CDCA7L: variants seen among roughly 807,000 people sequenced by gnomAD.
CDCA7L encodes the protein cell division cycle associated 7 like.
In CDCA7L, 44 loss-of-function variants were observed where a neutral mutation model predicts 57.4. The observed-to-expected ratio is 0.77, with a 90% CI of 0.60 to 0.98. CDCA7L has a LOEUF of 0.98. Among genes scored for constraint, CDCA7L ranks in the 50% least tolerant of loss-of-function variants. The pLI is 0.00. For missense variants in CDCA7L, 644 were observed against 580.6 expected (o/e 1.11, Z -1.12); for synonymous variants, 236 against 202.8 (o/e 1.16, Z -1.39).
At position 21,902,228 on chromosome 7, in the gene CDCA7L, C is replaced by A; in HGVS notation, c.*94G>T. ...TCTACAAAGAATTTCTGTATAAAAA[C>A]ACAACTGTAAAAAAATCTTTCTTAG... On this transcript the variant is annotated 3_prime_UTR_variant, in exon 10 of 10. Transcript: ENST00000406877. 1.8e-6 allele frequency: 2 copies of A among 1,100,776 alleles called. No homozygotes were observed. The highest frequency in any genetic ancestry group is 1.3e-5 in the South Asian group (1 of 78,074). 68.2% of individuals were successfully genotyped at this position (1,100,776 alleles called of 1,614,324 possible). A position where few individuals can be genotyped will look rare whatever the true frequency, so the allele number is the denominator to read the frequency against.
In CDCA7L at chr7:21,902,119, C is replaced by T. The variant is rs1482022974; in HGVS notation, c.*203G>A. The T allele has an allele frequency of 2.8e-5, 17 of 618,098 alleles. No homozygotes were observed. Among genetic ancestry groups the T allele is most frequent in the Non-Finnish European group, 4.6e-5 (16 of 345,882 alleles). The allele number at this position is 618,098 out of a possible 1,614,324, so 38.3% of individuals were successfully genotyped here. A position where few individuals can be genotyped will look rare whatever the true frequency, so the allele number is the denominator to read the frequency against. On this transcript the variant is annotated 3_prime_UTR_variant, in exon 10 of 10. Transcript: ENST00000406877. Reference sequence around the variant, plus strand: ...CAGCATACAGACAGGTCTGTGCATACATCTATATAGATTCCTCTGCTCTGC... The same window carrying T: ...CAGCATACAGACAGGTCTGTGCATATATCTATATAGATTCCTCTGCTCTGC...
chr7:21,904,725 T>G (rs1477961776), intron 7 of CDCA7L, among the ~76,000 whole-genome samples: 3 of 152,100 alleles, frequency 2.0e-5, no homozygotes, highest in Non-Finnish European at 4.4e-5. Flanking sequence ...ACAAAACCAG[T>G]CCCTGGTGCC....
In CDCA7L at chr7:21,929,631, C is replaced by CAA. The variant is rs57283961; in HGVS notation, c.25-12739_25-12738dup. ...GGAATATTATCCAGCAAATGGAAAG[C>CAA]AAAAAAAAAAAAAAAAAAAAAAAAA... On this transcript the variant is annotated intron_variant, in intron 1 of 9. Coordinates refer to ENST00000406877, the MANE Select transcript of CDCA7L (RefSeq NM_018719.5). Among the ~76,000 whole-genome samples the CAA allele has an allele frequency of 8.3e-3, 295 of 35,490 alleles. 9 individuals carry two copies. Among genetic ancestry groups the CAA allele is most frequent in the African/African-American group, 0.031 (202 of 6,544 alleles). The allele number at this position is 35,490 out of a possible 152,430, so 23.3% of individuals were successfully genotyped here. A position where few individuals can be genotyped will look rare whatever the true frequency, so the allele number is the denominator to read the frequency against.
At chr7:21,902,517 G>T in intron 9 of CDCA7L, 165 bp from the exon 10 acceptor site, 1 of 669,350 alleles carries the variant, frequency 1.5e-6, no homozygotes. Flanking sequence ...ACCCTCTGGT[G>T]TAGTACGCCC....
Position 21,905,598 on chromosome 7 carries a change from T to C in CDCA7L, c.955A>G (p.Ile319Val), listed in dbSNP as rs142943530. Reference protein sequence around the residue: ...KCREYRRRHRISSFRPVEDIT... With the variant: ...KCREYRRRHRVSSFRPVEDIT... ...TCCTCCACTGGCCGAAAAGAAGATA[T>C]ACGGTGACGTCGTCTGTACTCCCGG... Residue 319 changes from isoleucine (I) to valine (V), a missense_variant, in exon 7 of 10, where the codon ATA becomes GTA. Ile to Val is a conservative substitution (Grantham distance 29). Coordinates refer to ENST00000406877, the MANE Select transcript of CDCA7L (RefSeq NM_018719.5). 8 of 1,613,960 alleles carry C rather than the reference T, an allele frequency of 5.0e-6. No individual in the cohort carries two copies. The highest frequency in any genetic ancestry group is 1.7e-5 in the Admixed American group (1 of 59,998).
chr7:21,917,755 A>G (rs1001288260), intron 1 of CDCA7L, among the ~76,000 whole-genome samples: 1 of 152,220 alleles, frequency 6.6e-6, no homozygotes, highest in Non-Finnish European at 1.5e-5. Flanking sequence ...AACCTAATCC[A>G]TATATTCCCA....
chr7:21,903,480 G>GTGCTTATTGTTGAATGACTA (rs1193840875), intron 8 of CDCA7L, among the ~76,000 whole-genome samples: 1 of 152,094 alleles, frequency 6.6e-6, no homozygotes, highest in Admixed American at 6.5e-5. Flanking sequence ...CTTTCAATGT[G>GTGCTTATTGTTGAATGACTA]TGCTTATTGT....
chr7:21,943,434 C>T (rs1055218632), intron 1 of CDCA7L, among the ~76,000 whole-genome samples: 2 of 152,248 alleles, frequency 1.3e-5, no homozygotes, highest in African/African-American at 4.8e-5. Context: ...ACCCACTGCA[C>T]ACTGAGCTGA....
intron 3 of CDCA7L, among the ~76,000 whole-genome samples, chr7:21,911,171 A>C (rs1213653898): frequency 6.6e-6 from 1 of 151,676 alleles, no homozygotes; most frequent in Non-Finnish European, 1.5e-5. Context: ...CTTGGATTAC[A>C]GGTGCCCGCC....
chr7:21,944,324 G>C (rs1213499612), intron 1 of CDCA7L, among the ~76,000 whole-genome samples: 4 of 150,604 alleles, frequency 2.7e-5, no homozygotes, highest in African/African-American at 9.8e-5. Context: ...GGTGGCGGGC[G>C]CCTGTAATCC....
rs771809612 is a variant in CDCA7L, at chr7:21,906,254, G to C, written c.921+35C>G. 14 of 1,555,418 alleles carry C rather than the reference G, an allele frequency of 9.0e-6. No homozygotes were observed. The East Asian group carries it at 2.9e-4, about 33-fold the overall frequency. ...TCACGTTTGGAGGGATGGTAGCTCA[G>C]ACAAAAACTAATTCATGTATTAGTC... On this transcript the variant is annotated intron_variant, in intron 6 of 9. Transcript: ENST00000406877.
chr7:21,915,038 G>A (rs796560781), intron 2 of CDCA7L, among the ~76,000 whole-genome samples: 2 of 152,320 alleles, frequency 1.3e-5, no homozygotes, highest in African/African-American at 4.8e-5. Context: ...CAGATGGAGG[G>A]CTAAGGGAGG....
rs899053078 is a variant in CDCA7L at position 21,905,426 on chromosome 7, G to T, written c.1047+80C>A. On this transcript the variant is annotated intron_variant, in intron 7 of 9. Coordinates refer to ENST00000406877, the MANE Select transcript of CDCA7L (RefSeq NM_018719.5). Reference sequence around the variant, plus strand: ...CCCTTGGTGAGATGGCATAAGCCCTGATAGAGTTTAAAAACAAGTGAGATT... The same window carrying T: ...CCCTTGGTGAGATGGCATAAGCCCTTATAGAGTTTAAAAACAAGTGAGATT... The T allele has an allele frequency of 2.7e-6, 4 of 1,487,206 alleles. No individual in the cohort carries two copies. The African/African-American group carries it at 5.5e-5, about 21-fold the overall frequency. 92.1% of individuals were successfully genotyped at this position (1,487,206 alleles called of 1,614,324 possible).
intron 1 of CDCA7L, among the ~76,000 whole-genome samples, chr7:21,929,878 C>T (rs376701660): frequency 4.6e-5 from 7 of 152,226 alleles, no homozygotes; most frequent in East Asian, 3.9e-4. Flanking sequence ...TAGTGGGAGA[C>T]TTTAACACGC....
At chr7:21,908,781 C>T (rs1280208691) in intron 3 of CDCA7L, among the ~76,000 whole-genome samples, 1 of 152,170 alleles carries the variant, frequency 6.6e-6, no homozygotes, top group Non-Finnish European at 1.5e-5. Flanking sequence ...GTAAGCAAAA[C>T]ACTGACAGGG....
At chr7:21,911,133 A>C (rs1428979102) in intron 3 of CDCA7L, among the ~76,000 whole-genome samples, 3 of 145,064 alleles carry the variant, frequency 2.1e-5, no homozygotes, top group Non-Finnish European at 3.0e-5. Flanking sequence ...GGCTTCAAGA[A>C]ATCCTCCTGC....
rs77863538 is a variant in CDCA7L at position 21,903,429 on chromosome 7, G to A, written c.1198-315C>T. 2.4e-3 allele frequency among the ~76,000 whole-genome samples: 358 copies of A among 152,278 alleles called. 6 individuals carry two copies. In the East Asian group the frequency reaches 0.044, roughly 19 times the overall value. ...GCCCAGGATGTCAGCCCTGGTTTAGGAGCACAAGGTTTCCAAAATATCAAG... is the reference window on the plus strand; with the variant it reads ...GCCCAGGATGTCAGCCCTGGTTTAGAAGCACAAGGTTTCCAAAATATCAAG... On this transcript the variant is annotated intron_variant, in intron 8 of 9. Transcript: ENST00000406877.
chr7:21,905,914 G>C (rs1262986934), intron 6 of CDCA7L, among the ~76,000 whole-genome samples: 1 of 152,182 alleles, frequency 6.6e-6, no homozygotes, highest in African/African-American at 2.4e-5. Flanking sequence ...CCCACAAATG[G>C]GTCCACAGTT....
At chr7:21,915,143 G>A (rs999491344) in intron 2 of CDCA7L, among the ~76,000 whole-genome samples, 6 of 152,154 alleles carry the variant, frequency 3.9e-5, no homozygotes, top group Non-Finnish European at 8.8e-5. Context: ...CAGAGGGAAG[G>A]GAAGGATGGA....
Sources: allele counts gnomAD v4.1 joint callset (sites outside exome capture counted in the v4.1 genomes callset), GRCh38; gene constraint gnomAD v4.1.1; transcripts MANE v1.5; gene names NCBI Gene and HGNC (gene_info 2026-07-23, HGNC 2026-07-21).